BAIAP2L1: variants seen among roughly 807,000 people sequenced by gnomAD.
BAIAP2L1 encodes BAR/IMD domain-containing adapter protein 2-like 1.
In BAIAP2L1, 35 loss-of-function variants were observed where a neutral mutation model predicts 66.3. That is an observed-to-expected ratio of 0.53 (90% CI 0.40 to 0.70). The LOEUF is 0.70. Among genes scored for constraint, BAIAP2L1 ranks in the 30% least tolerant of loss-of-function variants. The pLI is 0.00. For synonymous variants in BAIAP2L1, 269 were observed against 248.7 expected (o/e 1.08, Z -0.77); for missense variants, 622 against 656.9 (o/e 0.95, Z 0.58).
At chr7:98,319,910 G>T in intron 5 of BAIAP2L1, 148 bp downstream of exon 5, 2 of 717,646 alleles carry the variant, frequency 2.8e-6, no homozygotes, top group Non-Finnish European at 4.9e-6. Flanking sequence ...AGCCCAAAGA[G>T]AGCTTGTCGG....
chr7:98,320,115 G>A lies in BAIAP2L1; in HGVS notation c.291C>T (p.His97=). 6.2e-7 allele frequency: 1 copy of A among 1,612,620 alleles called. No individual in the cohort carries two copies. The highest frequency in any genetic ancestry group is 8.5e-7 in the Non-Finnish European group (1 of 1,178,870). Residue 97 remains histidine (H), a synonymous_variant, in exon 5 of 14, where the codon CAC becomes CAT. Transcript: ENST00000005260. The part of the protein sequence containing the change: ...ESLDENFKKF[H]KEIIHELEKK... The stretch of plus-strand genomic sequence containing the variant: ...TCTCCAGCTCATGGATAATCTCTTT[G>A]TGGAATTTTTTAAACTGTTAACAAA...
chr7:98,392,227 C>T (rs1032035172), intron 1 of BAIAP2L1, among the ~76,000 whole-genome samples: 3 of 151,066 alleles, frequency 2.0e-5, no homozygotes, highest in African/African-American at 7.3e-5. Context: ...GCCTGTAATC[C>T]CAGCTACTAA....
At position 98,338,749 on chromosome 7, in the gene BAIAP2L1, T is replaced by C. The variant is rs559271588; in HGVS notation, c.214+16293A>G. Among the ~76,000 whole-genome samples the C allele has an allele frequency of 2.0e-5, 3 of 152,272 alleles. No homozygotes were observed. The East Asian group carries it at 5.8e-4, about 29-fold the overall frequency. Reference sequence around the variant, plus strand: ...GGCTGCCTCCACCTTTTGGCTATTGTGAGTTGTGCTGCTCTGAACATTTGT... The same window carrying C: ...GGCTGCCTCCACCTTTTGGCTATTGCGAGTTGTGCTGCTCTGAACATTTGT... On this transcript the variant is annotated intron_variant, in intron 3 of 13. Transcript: ENST00000005260.
intron 3 of BAIAP2L1, among the ~76,000 whole-genome samples, chr7:98,339,647 C>T (rs1053580973): frequency 1.3e-5 from 2 of 152,234 alleles, no homozygotes; most frequent in Non-Finnish European, 2.9e-5. Flanking sequence ...GAGTATCCCT[C>T]TCTTCAGCCT....
intron 2 of BAIAP2L1, among the ~76,000 whole-genome samples, chr7:98,356,099 G>T (rs1023042308): frequency 2.6e-5 from 4 of 152,050 alleles, no homozygotes; most frequent in African/African-American, 7.2e-5. Context: ...TGCCCCCTTC[G>T]AACTGATTCT....
chr7:98,324,627 C>T (rs1044051874), intron 3 of BAIAP2L1, among the ~76,000 whole-genome samples: 1 of 152,000 alleles, frequency 6.6e-6, no homozygotes, highest in Admixed American at 6.6e-5. Context: ...GCGGGAGGAT[C>T]GCTTGAGGCC....
At chr7:98,323,405 A>G (rs935453928) in intron 3 of BAIAP2L1, 8 of 152,232 alleles carry the variant, frequency 5.3e-5, no homozygotes, top group African/African-American at 1.9e-4. Context: ...CTTAAAATAC[A>G]TAAATAAATA....
intron 3 of BAIAP2L1, among the ~76,000 whole-genome samples, chr7:98,352,783 G>A (rs1016920910): frequency 2.0e-5 from 3 of 152,180 alleles, no homozygotes; most frequent in African/African-American, 7.2e-5. Context: ...GGAAATAGCT[G>A]TTTCAACATT....
rs755673546 is a variant in BAIAP2L1, at chr7:98,400,841, C to A, written c.12G>T (p.Gly4=). 1.3e-6 allele frequency: 2 copies of A among 1,544,336 alleles called. No individual in the cohort carries two copies. Among genetic ancestry groups the A allele is most frequent in the Non-Finnish European group, 8.7e-7 (1 of 1,144,030 alleles). MSR[G]PEEVNRLTES... is the part of the protein sequence containing the mutation. ...CCGTGAGCCGGTTCACCTCCTCGGG[C>A]CCCCGGGACATGGCTGCGGCCGCCG... The change falls in exon 1 of 14, where the codon GGG becomes GGT. Residue 4 remains glycine (G), a synonymous_variant. Coordinates refer to ENST00000005260, the MANE Select transcript of BAIAP2L1 (RefSeq NM_018842.5).
At chr7:98,310,696 ATTTAT>A in intron 8 of BAIAP2L1, 104 bp from the exon 9 acceptor site, 1 of 928,074 alleles carries the variant, frequency 1.1e-6, no homozygotes, top group South Asian at 2.2e-5. Flanking sequence ...CTATTTATTT[ATTTAT>A]TTTGAGACAG....
intron 3 of BAIAP2L1, among the ~76,000 whole-genome samples, chr7:98,350,926 G>T: frequency 6.6e-6 from 1 of 151,954 alleles, no homozygotes; most frequent in Admixed American, 6.6e-5. Flanking sequence ...GAGCGATCTT[G>T]GCTCACTGCA....
At chr7:98,397,617 G>A (rs971672893) in intron 1 of BAIAP2L1, among the ~76,000 whole-genome samples, 1 of 152,090 alleles carries the variant, frequency 6.6e-6, no homozygotes, top group Non-Finnish European at 1.5e-5. Context: ...GTGAGCCACC[G>A]CGCCGGGCCC....
At chr7:98,326,371 C>T (rs534661709) in intron 3 of BAIAP2L1, among the ~76,000 whole-genome samples, 10 of 152,360 alleles carry the variant, frequency 6.6e-5, no homozygotes, top group African/African-American at 2.4e-4. Flanking sequence ...GATCATTCCT[C>T]CGTGTCTAGC....
chr7:98,299,351 T>A (rs1800324563), intron 12 of BAIAP2L1, among the ~76,000 whole-genome samples: 1 of 151,610 alleles, frequency 6.6e-6, no homozygotes, highest in African/African-American at 2.4e-5. Flanking sequence ...ATAGACGAGG[T>A]CCCACTATAT....
intron 12 of BAIAP2L1, among the ~76,000 whole-genome samples, chr7:98,299,456 C>A (rs1174791860): frequency 6.6e-6 from 1 of 152,140 alleles, no homozygotes; most frequent in Non-Finnish European, 1.5e-5. Context: ...CCGTGCCCGG[C>A]AGGCTGCCAT....
chr7:98,330,859 A>AT (rs1021206498), intron 3 of BAIAP2L1, among the ~76,000 whole-genome samples: 115 of 152,130 alleles, frequency 7.6e-4, no homozygotes, highest in African/African-American at 2.4e-3. Flanking sequence ...AGCAGATCTT[A>AT]TGTGGACTAA....
chr7:98,377,628 G>C (rs1442859196), intron 1 of BAIAP2L1, among the ~76,000 whole-genome samples: 4 of 152,048 alleles, frequency 2.6e-5, no homozygotes, highest in African/African-American at 9.7e-5. Context: ...AGATCAGCCT[G>C]GCTAACATGG....
Position 98,355,136 on chromosome 7 carries a change from C to T in BAIAP2L1, c.128-8G>A, listed in dbSNP as rs1370145619. 1 of 1,593,002 alleles carries T rather than the reference C, an allele frequency of 6.3e-7. No homozygotes were observed. Among genetic ancestry groups the T allele is most frequent in the Non-Finnish European group, 8.6e-7 (1 of 1,161,184 alleles). ...TTCCTGCCAGGATCATAGCTAGACA[C>T]AAAAGGTGACACACAAAATCGTCAC... On this transcript the variant is annotated splice_region_variant and splice_polypyrimidine_tract_variant and intron_variant, in intron 2 of 13. Transcript: ENST00000005260.
intron 1 of BAIAP2L1, chr7:98,386,199 G>A (rs1259674274): frequency 1.4e-5 from 22 of 1,525,336 alleles, no homozygotes; most frequent in Non-Finnish European, 1.7e-5. Context: ...AGTAACCATC[G>A]GTAGTCTTGA....
Sources: allele counts gnomAD v4.1 joint callset (sites outside exome capture counted in the v4.1 genomes callset), GRCh38; gene constraint gnomAD v4.1.1; transcripts MANE v1.5; gene names NCBI Gene and HGNC (gene_info 2026-07-23, HGNC 2026-07-21).